The following LGSN variants were observed in gnomAD, a reference collection of about 807,000 sequenced individuals.
LGSN encodes lengsin.
LGSN carries 21 observed loss-of-function variants against 19.5 expected under a neutral mutation model. The ratio of observed to expected loss-of-function variants is 1.07; its 90% CI spans 0.76 to 1.55. The LOEUF (loss-of-function observed/expected upper bound fraction) is 1.55, where lower values mean the gene tolerates loss of function less well. Ranked by LOEUF, LGSN falls within the 40% of genes most tolerant of loss-of-function variation. The pLI is 0.00. For synonymous variants in LGSN, 257 were observed against 215.6 expected (o/e 1.19, Z -1.68); for missense variants, 673 against 608.5 (o/e 1.11, Z -1.12).
chr6:63,459,982 C>T, the LGSN span, among the ~76,000 whole-genome samples: 2 of 152,002 alleles, frequency 1.3e-5, no homozygotes, highest in East Asian at 1.9e-4. Flanking sequence ...ACCAACTTCA[C>T]GTGCTCCATG....
At chr6:63,440,381 T>C in the LGSN span, among the ~76,000 whole-genome samples, 1 of 152,214 alleles carries the variant, frequency 6.6e-6, no homozygotes, top group African/African-American at 2.4e-5. Flanking sequence ...GCAGGAAACC[T>C]GCTATCAGGA....
chr6:63,554,852 A>G, the LGSN span, among the ~76,000 whole-genome samples: 4 of 152,216 alleles, frequency 2.6e-5, no homozygotes, highest in East Asian at 7.7e-4. Flanking sequence ...TTTGGGGACA[A>G]TCTTACTCTT....
At chr6:63,436,392 C>T in the LGSN span, among the ~76,000 whole-genome samples, 6 of 152,110 alleles carry the variant, frequency 3.9e-5, no homozygotes, top group East Asian at 3.8e-4. Flanking sequence ...TGAGCCACTG[C>T]GCCTGGCCAA....
chr6:63,348,979 T>G, the LGSN span, among the ~76,000 whole-genome samples: 1 of 152,138 alleles, frequency 6.6e-6, no homozygotes, highest in African/African-American at 2.4e-5. Context: ...AGCATTGGAA[T>G]GCAGCCTTCA....
the LGSN span, among the ~76,000 whole-genome samples, chr6:63,412,423 A>AAAGAAAGAAAGAAAGAAAGC: frequency 2.2e-5 from 3 of 137,106 alleles, no homozygotes; most frequent in South Asian, 2.2e-4. Flanking sequence ...AAGAAGAAAG[A>AAAGAAAGAAAGAAAGAAAGC]AAGAAAGAAA....
the LGSN span, among the ~76,000 whole-genome samples, chr6:63,386,756 C>G: frequency 6.6e-6 from 1 of 152,144 alleles, no homozygotes; most frequent in African/African-American, 2.4e-5. Context: ...AATATGGTTT[C>G]TGTAAGGGGA....
the LGSN span, among the ~76,000 whole-genome samples, chr6:63,484,127 C>G: frequency 6.6e-6 from 1 of 152,122 alleles, no homozygotes; most frequent in East Asian, 1.9e-4. Context: ...GCACTCCAGC[C>G]TAGGCAACAG....
chr6:63,424,055 G>A, the LGSN span, among the ~76,000 whole-genome samples: 198 of 151,836 alleles, frequency 1.3e-3, no homozygotes, highest in Admixed American at 2.2e-3. Context: ...CAAAACGAAA[G>A]AAAGAAAGAA....
the LGSN span, among the ~76,000 whole-genome samples, chr6:63,513,550 C>T: frequency 2.0e-5 from 3 of 152,104 alleles, no homozygotes; most frequent in Non-Finnish European, 2.9e-5. Context: ...ACTTTTCATA[C>T]TCTAGTTTTA....
chr6:63,558,747 G>A, the LGSN span, among the ~76,000 whole-genome samples: 2 of 152,310 alleles, frequency 1.3e-5, no homozygotes, highest in South Asian at 4.1e-4. Flanking sequence ...GTATAAGAAT[G>A]ACAGAGAAAG....
At chr6:63,283,617 T>A (rs1483713281) in intron 3 of LGSN, among the ~76,000 whole-genome samples, 4 of 114,506 alleles carry the variant, frequency 3.5e-5, no homozygotes, top group African/African-American at 1.0e-4. Flanking sequence ...CACAAATGAA[T>A]CTTTTTTTTT....
the LGSN span, among the ~76,000 whole-genome samples, chr6:63,411,776 G>A: frequency 1.3e-5 from 2 of 152,142 alleles, no homozygotes; most frequent in Non-Finnish European, 1.5e-5. Context: ...GGCTGAGGTT[G>A]GTTGGGGCTG....
At chr6:63,328,327 G>C in the LGSN span, among the ~76,000 whole-genome samples, 448 of 152,324 alleles carry the variant, frequency 2.9e-3, 3 homozygotes, top group African/African-American at 0.01. Flanking sequence ...AGTCATGCTC[G>C]ATTGGTTCCC....
At chr6:63,417,581 C>G in the LGSN span, among the ~76,000 whole-genome samples, 2 of 152,134 alleles carry the variant, frequency 1.3e-5, no homozygotes, top group Non-Finnish European at 2.9e-5. Context: ...TAATTTCTGT[C>G]TCCTATCTGG....
At chr6:63,452,583 AT>A in the LGSN span, among the ~76,000 whole-genome samples, 67 of 151,248 alleles carry the variant, frequency 4.4e-4, no homozygotes, top group African/African-American at 1.4e-3. Flanking sequence ...TAATATATTT[AT>A]TTTTTTTAAG....
intron 2 of LGSN, chr6:63,293,540 G>C (rs1274788156): frequency 3.6e-6 from 1 of 280,740 alleles, no homozygotes; most frequent in African/African-American, 2.2e-5. Flanking sequence ...ATCTTTGTAA[G>C]TGTTCTGACT....
the LGSN span, among the ~76,000 whole-genome samples, chr6:63,547,329 A>G: frequency 1.1e-4 from 17 of 151,228 alleles, no homozygotes; most frequent in African/African-American, 4.1e-4. Flanking sequence ...AGCTGGGACT[A>G]CAGGCATGTG....
the LGSN span, among the ~76,000 whole-genome samples, chr6:63,370,657 G>A: frequency 6.6e-6 from 1 of 152,176 alleles, no homozygotes; most frequent in Non-Finnish European, 1.5e-5. Context: ...AATCACTGGT[G>A]CCCTCCACCC....
At chr6:63,442,716 T>A in the LGSN span, among the ~76,000 whole-genome samples, 5 of 152,182 alleles carry the variant, frequency 3.3e-5, no homozygotes, top group East Asian at 1.9e-4. Context: ...GCATTTACAA[T>A]CCTTTAGCTA....
Sources: allele counts gnomAD v4.1 joint callset (sites outside exome capture counted in the v4.1 genomes callset), GRCh38; gene constraint gnomAD v4.1.1; transcripts MANE v1.5; gene names NCBI Gene and HGNC (gene_info 2026-07-23, HGNC 2026-07-21).